The following GYG1 variants were observed in gnomAD, a reference collection of about 807,000 sequenced individuals.
GYG1 encodes the protein glycogenin 1, also known as glycogenin-1.
A neutral mutation model predicts 41.9 loss-of-function variants in GYG1; 44 were observed. The observed-to-expected ratio is 1.05, with a 90% CI of 0.83 to 1.35. GYG1 has a LOEUF of 1.35. Among genes scored for constraint, GYG1 ranks in the 40% most tolerant of loss-of-function variants. GYG1 has a pLI of 0.00. For missense variants in GYG1, 429 were observed against 418.9 expected (o/e 1.02, Z -0.21); for synonymous variants, 141 against 158.1 (o/e 0.89, Z 0.81).
At chr3:149,020,489 A>G (rs1194944961) in intron 5 of GYG1, among the ~76,000 whole-genome samples, 1 of 152,216 alleles carries the variant, frequency 6.6e-6, no homozygotes, top group African/African-American at 2.4e-5. Context: ...GATCCTGGAG[A>G]AGTTATTTAA....
At chr3:149,011,346 T>G (rs1040522797) in intron 5 of GYG1, among the ~76,000 whole-genome samples, 2 of 152,250 alleles carry the variant, frequency 1.3e-5, no homozygotes, top group African/African-American at 2.4e-5. Flanking sequence ...AGAGCCGAAT[T>G]TGTCTATAAT....
At position 148,997,610 on chromosome 3, in the gene GYG1, T is replaced by C. The variant is rs376605992; in HGVS notation, c.481+706T>C. On this transcript the variant is annotated intron_variant, in intron 4 of 7. Coordinates refer to ENST00000345003, the MANE Select transcript of GYG1 (RefSeq NM_004130.4). ...TGTGCTTTCGTTTCAGGCCAATTTC[T>C]GAAATAACAAGCCATGTTTTTAAAA... 1.1e-4 allele frequency among the ~76,000 whole-genome samples: 17 copies of C among 152,360 alleles called. 2 individuals carry two copies. In the South Asian group the frequency reaches 3.3e-3, roughly 30 times the overall value.
At chr3:149,001,952 T>G (rs1447795864) in intron 4 of GYG1, among the ~76,000 whole-genome samples, 3 of 152,216 alleles carry the variant, frequency 2.0e-5, no homozygotes, top group Non-Finnish European at 4.4e-5. Flanking sequence ...ATTCCTCATT[T>G]TACAAATGAA....
rs749378292 is a variant in GYG1, at chr3:149,024,317, A to T, written c.828+45A>T. 4.5e-5 allele frequency: 52 copies of T among 1,159,860 alleles called. No individual in the cohort carries two copies. The East Asian group carries it at 5.8e-4, about 13-fold the overall frequency. 71.8% of individuals were successfully genotyped at this position (1,159,860 alleles called of 1,614,324 possible). On this transcript the variant is annotated intron_variant, in intron 6 of 7. Coordinates refer to ENST00000345003, the MANE Select transcript of GYG1 (RefSeq NM_004130.4). ...TTCAGATCATTTAATGCTGCTTTTTAAAAAAATTGTTGTATCAATAGAGAT... is the reference window on the plus strand; with the variant it reads ...TTCAGATCATTTAATGCTGCTTTTTTAAAAAATTGTTGTATCAATAGAGAT...
chr3:149,027,993 T>C lies in GYG1; in HGVS notation c.*1060T>C, dbSNP rs1045641501. 6.6e-6 allele frequency among the ~76,000 whole-genome samples: 1 copy of C among 152,210 alleles called. No individual in the cohort carries two copies. Among genetic ancestry groups the C allele is most frequent in the Non-Finnish European group, 1.5e-5 (1 of 68,038 alleles). The stretch of plus-strand genomic sequence containing the variant: ...GTATTTTATCTATGATTTAAAATGA[T>C]AGAATGGAAAAGCGTATTTATTAAA... On this transcript the variant is annotated 3_prime_UTR_variant, in exon 8 of 8. Transcript: ENST00000345003.
chr3:148,994,998 T>G (rs780283164), intron 2 of GYG1, among the ~76,000 whole-genome samples: 2 of 152,178 alleles, frequency 1.3e-5, no homozygotes, highest in Non-Finnish European at 2.9e-5. Flanking sequence ...CTGGCCAACA[T>G]GGCGAAACCC....
chr3:149,011,541 G>A (rs1713724976), intron 5 of GYG1, among the ~76,000 whole-genome samples: 1 of 152,268 alleles, frequency 6.6e-6, no homozygotes, highest in East Asian at 1.9e-4. Context: ...ACCTTTCGGG[G>A]ATAGCCTGGT....
intron 2 of GYG1, among the ~76,000 whole-genome samples, chr3:148,994,892 G>A (rs1712699543): frequency 6.6e-6 from 1 of 152,158 alleles, no homozygotes; most frequent in African/African-American, 2.4e-5. Context: ...AAGTTTTGAA[G>A]TATTTGGGCC....
chr3:149,016,260 C>CAAAAAAAAAAAAA (rs369746026), intron 5 of GYG1, among the ~76,000 whole-genome samples: 6 of 70,006 alleles, frequency 8.6e-5, no homozygotes, highest in African/African-American at 2.2e-4. Context: ...GACTCCGTCT[C>CAAAAAAAAAAAAA]AAAAAAAAAA....
intron 4 of GYG1, 111 bp downstream of exon 4, chr3:148,997,015 A>G (rs1423947337): frequency 8.5e-6 from 7 of 825,744 alleles, no homozygotes; most frequent in Non-Finnish European, 1.4e-5. Flanking sequence ...GATATAAGAG[A>G]TGGAGCAAGC....
At chr3:149,006,228 G>A (rs190348372) in intron 4 of GYG1, among the ~76,000 whole-genome samples, 280 of 151,958 alleles carry the variant, frequency 1.8e-3, no homozygotes, top group African/African-American at 3.9e-3. Flanking sequence ...AACTATAGGC[G>A]CGTGCCACCA....
At chr3:148,999,979 G>A (rs1389787485) in intron 4 of GYG1, among the ~76,000 whole-genome samples, 1 of 152,198 alleles carries the variant, frequency 6.6e-6, no homozygotes, top group Admixed American at 6.5e-5. Context: ...ATCAGAAACT[G>A]GTGGGGCCTG....
At chr3:149,006,723 A>T (rs1309836428) in intron 4 of GYG1, among the ~76,000 whole-genome samples, 2 of 151,990 alleles carry the variant, frequency 1.3e-5, no homozygotes, top group Non-Finnish European at 2.9e-5. Context: ...TTCTGTTCCC[A>T]TGGAACCGAT....
chr3:149,012,997 TTGTGTGTGTGTGTGTGTGTG>T (rs10575910), intron 5 of GYG1, among the ~76,000 whole-genome samples: 1 of 141,368 alleles, frequency 7.1e-6, no homozygotes, highest in African/African-American at 2.8e-5. Context: ...CTCAGTTAAT[TTGTGTGTGTGTGTGTGTGTG>T]TGTGTGTGTG....
Position 149,024,114 on chromosome 3 carries a change from T to G in GYG1, c.670T>G (p.Tyr224Asp). 1 of 1,614,146 alleles carries G rather than the reference T, an allele frequency of 6.2e-7. No homozygotes were observed. The highest frequency in any genetic ancestry group is 8.5e-7 in the Non-Finnish European group (1 of 1,180,004). The change falls in exon 6 of 8, where the codon TAT becomes GAT. Residue 224 changes from tyrosine to aspartate, a missense_variant. Physicochemically the swap from Tyr to Asp is radical, Grantham distance 160. Coordinates refer to ENST00000345003, the MANE Select transcript of GYG1 (RefSeq NM_004130.4). ...LGRVKPWNYT[Y>D]DPKTKSVKSE... ...ACGAGTCAAACCATGGAATTATACT[T>G]ATGATCCCAAAACAAAAAGTGTCAA...
At chr3:148,995,233 C>T (rs1395926416) in intron 2 of GYG1, among the ~76,000 whole-genome samples, 2 of 151,946 alleles carry the variant, frequency 1.3e-5, no homozygotes, top group Non-Finnish European at 2.9e-5. Context: ...AACAGAAAAT[C>T]GAAGTATCTG....
At chr3:149,026,713 A>T (rs776994216) in intron 7 of GYG1, 47 bp from the exon 8 acceptor site, 2 of 1,365,164 alleles carry the variant, frequency 1.5e-6, no homozygotes. Context: ...TCTTTAAAAC[A>T]GTTTGATTTT....
intron 4 of GYG1, among the ~76,000 whole-genome samples, chr3:149,004,311 G>A (rs777822259): frequency 5.1e-4 from 77 of 152,182 alleles, no homozygotes; most frequent in Non-Finnish European, 9.1e-4. Context: ...CTAGAAGTCT[G>A]ACTAAAATGT....
intron 1 of GYG1, among the ~76,000 whole-genome samples, chr3:148,993,130 T>G (rs1337263590): frequency 1.3e-5 from 2 of 152,102 alleles, no homozygotes; most frequent in Non-Finnish European, 2.9e-5. Context: ...AACTTGCTAA[T>G]GTTTCTTGGA....
Sources: gnomAD v4.1 joint callset for allele counts (sites outside exome capture counted in the v4.1 genomes callset) on GRCh38, gnomAD v4.1.1 for gene constraint, MANE v1.5 for transcripts, NCBI Gene and HGNC (gene_info 2026-07-23, HGNC 2026-07-21) for gene names.